METTL5: variants seen among roughly 807,000 people sequenced by gnomAD.
METTL5 encodes methyltransferase 5, N6-adenosine.
In METTL5, 28 loss-of-function variants were observed where a neutral mutation model predicts 26.5. The ratio of observed to expected loss-of-function variants is 1.06; its 90% CI spans 0.78 to 1.45. METTL5 has a LOEUF of 1.45. Among genes scored for constraint, METTL5 ranks in the 40% most tolerant of loss-of-function variants. The pLI is 0.00. For missense variants in METTL5, 231 were observed against 249.9 expected (o/e 0.92, Z 0.51); for synonymous variants, 86 against 82.6 (o/e 1.04, Z -0.22).
At chr2:169,814,397 G>A (rs1690075780) in intron 5 of METTL5, among the ~76,000 whole-genome samples, 1 of 142,510 alleles carries the variant, frequency 7.0e-6, no homozygotes, top group African/African-American at 2.6e-5. Flanking sequence ...TGAGGCAAGA[G>A]CATCGCTTGA....
chr2:169,814,635 C>T (rs1373049170), intron 5 of METTL5, among the ~76,000 whole-genome samples: 1 of 147,574 alleles, frequency 6.8e-6, no homozygotes, highest in African/African-American at 2.5e-5. Context: ...AGAGCAGTGG[C>T]GCGATCTCAG....
In METTL5 at chr2:169,822,066, T is replaced by TAAA; in HGVS notation, c.110-12_110-10dup. The stretch of plus-strand genomic sequence containing the variant: ...TGTATAGAGCATACATGCTAAAAAA[T>TAAA]AAAAAAAAAAAGAATAAGTAAGCAA... On this transcript the variant is annotated splice_polypyrimidine_tract_variant and intron_variant, in intron 1 of 6. Coordinates refer to ENST00000260953, the MANE Select transcript of METTL5 (RefSeq NM_014168.4). 1 of 1,185,902 alleles carries TAAA rather than the reference T, an allele frequency of 8.4e-7. No homozygotes were observed. Among genetic ancestry groups the TAAA allele is most frequent in the South Asian group, 1.6e-5 (1 of 62,482 alleles). 73.5% of individuals were successfully genotyped at this position (1,185,902 alleles called of 1,614,324 possible). A position where few individuals can be genotyped will look rare whatever the true frequency, so the allele number is the denominator to read the frequency against.
intron 4 of METTL5, among the ~76,000 whole-genome samples, chr2:169,816,959 GCTT>G (rs2081516369): frequency 6.6e-6 from 1 of 152,140 alleles, no homozygotes; most frequent in South Asian, 2.1e-4. Context: ...AAACTAAAGA[GCTT>G]CTGCACAGCA....
chr2:169,824,353 C>T (rs2081624143), intron 1 of METTL5, 136 bp downstream of exon 1: 1 of 678,596 alleles, frequency 1.5e-6, no homozygotes, highest in Admixed American at 2.4e-5. Context: ...TCAAGGAAGG[C>T]CTCTCTAACG....
chr2:169,819,328 G>C (rs1322977179), intron 4 of METTL5, among the ~76,000 whole-genome samples: 1 of 152,096 alleles, frequency 6.6e-6, no homozygotes, highest in Non-Finnish European at 1.5e-5. Context: ...CTGAGTTATA[G>C]TCTCTCCTCT....
rs1573976016 is a variant in METTL5, at chr2:169,824,774, T to C, written c.-177A>G. The stretch of plus-strand genomic sequence containing the variant: ...GGACGCAGGGCACGGGGCGAGCCTC[T>C]GACCCACCTCCCGGCTAACCCAAGC... On this transcript the variant is annotated 5_prime_UTR_variant, in exon 1 of 7. Transcript: ENST00000260953. 33 of 552,190 alleles carry C rather than the reference T, an allele frequency of 6.0e-5. No homozygotes were observed. In the East Asian group the frequency reaches 9.7e-4, roughly 16 times the overall value. 34.2% of individuals were successfully genotyped at this position (552,190 alleles called of 1,614,324 possible).
chr2:169,815,359 T>G, intron 5 of METTL5, 118 bp downstream of exon 5: 1 of 667,334 alleles, frequency 1.5e-6, no homozygotes, highest in Non-Finnish European at 2.7e-6. Flanking sequence ...CTATTACCAA[T>G]CATGCACATT....
intron 5 of METTL5, among the ~76,000 whole-genome samples, chr2:169,814,540 GA>G (rs1401374003): frequency 6.9e-6 from 1 of 144,712 alleles, no homozygotes; most frequent in African/African-American, 2.5e-5. Flanking sequence ...TTCTATGAAT[GA>G]ATTTCAAACC....
At position 169,816,136 on chromosome 2, in the gene METTL5, G is replaced by A. The variant is rs547224074; in HGVS notation, c.490-608C>T. 2.0e-5 allele frequency among the ~76,000 whole-genome samples: 3 copies of A among 152,260 alleles called. No individual in the cohort carries two copies. In the East Asian group the frequency reaches 5.8e-4, roughly 29 times the overall value. ...TATTTCAGAAATCTATCAAAGATGT[G>A]TAATGTTCTCATATGGTTTCTGTAG... On this transcript the variant is annotated intron_variant, in intron 4 of 6. Transcript: ENST00000260953.
At chr2:169,815,441 G>A (rs2081492436) in intron 5 of METTL5, 36 bp downstream of exon 5, 2 of 1,487,250 alleles carry the variant, frequency 1.3e-6, no homozygotes, top group Non-Finnish European at 1.9e-6. Context: ...AATACATGTT[G>A]GCCCTTTTGG....
intron 1 of METTL5, among the ~76,000 whole-genome samples, chr2:169,822,307 C>T (rs1029013246): frequency 9.9e-6 from 1 of 100,662 alleles, no homozygotes; most frequent in Non-Finnish European, 2.5e-5. Context: ...AATGACAAAA[C>T]TGTGCCCAGT....
intron 5 of METTL5, among the ~76,000 whole-genome samples, chr2:169,814,861 T>G (rs1330819778): frequency 1.3e-5 from 2 of 150,716 alleles, no homozygotes; most frequent in Non-Finnish European, 3.0e-5. Flanking sequence ...AGGCGTGAGC[T>G]ACCGCGCCCG....
chr2:169,818,660 T>C (rs1011142268), intron 4 of METTL5, among the ~76,000 whole-genome samples: 3 of 152,246 alleles, frequency 2.0e-5, no homozygotes, highest in Admixed American at 6.5e-5. Flanking sequence ...TAGAATGTAT[T>C]ATTTCCAACT....
At chr2:169,819,286 A>G (rs2081551759) in intron 4 of METTL5, among the ~76,000 whole-genome samples, 1 of 152,188 alleles carries the variant, frequency 6.6e-6, no homozygotes, top group African/African-American at 2.4e-5. Context: ...CAAAACATAC[A>G]GTAATCCTAG....
chr2:169,814,066 T>C (rs916144158), intron 5 of METTL5, among the ~76,000 whole-genome samples: 38 of 152,334 alleles, frequency 2.5e-4, no homozygotes, highest in African/African-American at 7.7e-4. Context: ...CTTCTAGTTA[T>C]ATGCTTTTCC....
intron 5 of METTL5, among the ~76,000 whole-genome samples, chr2:169,814,015 TC>T (rs1690066216): frequency 6.6e-6 from 1 of 152,226 alleles, no homozygotes; most frequent in African/African-American, 2.4e-5. Flanking sequence ...AAAAACATGT[TC>T]CCTTATTGCA....
rs34213273 is a variant in METTL5, at chr2:169,811,875, AT to A, written c.592-18del. Reference sequence around the variant, plus strand: ...AATGTCCACCTGTGAGAAAGGAAAAATTTTTTTGTTGTTTAACTTGTCTTTT... The same window carrying A: ...AATGTCCACCTGTGAGAAAGGAAAAATTTTTTGTTGTTTAACTTGTCTTTT... On this transcript the variant is annotated intron_variant, in intron 6 of 6. Transcript: ENST00000260953. 20 of 1,611,922 alleles carry A rather than the reference AT, an allele frequency of 1.2e-5. No homozygotes were observed. The East Asian group carries it at 3.6e-4, about 29-fold the overall frequency.
chr2:169,812,643 C>T lies in METTL5; in HGVS notation c.542-137G>A, dbSNP rs937339491. 8 of 893,470 alleles carry T rather than the reference C, an allele frequency of 9.0e-6. No individual in the cohort carries two copies. In the African/African-American group the frequency reaches 1.4e-4, roughly 15 times the overall value. 55.3% of individuals were successfully genotyped at this position (893,470 alleles called of 1,614,324 possible). On this transcript the variant is annotated intron_variant, in intron 5 of 6. Coordinates refer to ENST00000260953, the MANE Select transcript of METTL5 (RefSeq NM_014168.4). ...GAACATTTTAGAACCTTTAACTTATCCAAGTAGTGACTTCTGTATTCCTAG... is the reference window on the plus strand; with the variant it reads ...GAACATTTTAGAACCTTTAACTTATTCAAGTAGTGACTTCTGTATTCCTAG...
intron 4 of METTL5, among the ~76,000 whole-genome samples, chr2:169,817,803 A>G (rs889659962): frequency 1.3e-5 from 2 of 152,134 alleles, no homozygotes; most frequent in Admixed American, 6.5e-5. Flanking sequence ...ATTAGGAGAA[A>G]TACCTAATGT....
Sources: allele counts gnomAD v4.1 joint callset (sites outside exome capture counted in the v4.1 genomes callset), GRCh38; gene constraint gnomAD v4.1.1; transcripts MANE v1.5; gene names NCBI Gene and HGNC (gene_info 2026-07-23, HGNC 2026-07-21).